Variants in KDM4C observed in about 807,000 individuals in gnomAD.
KDM4C encodes lysine-specific demethylase 4C.
KDM4C carries 81 observed loss-of-function variants against 129.3 expected under a neutral mutation model. The ratio of observed to expected loss-of-function variants is 0.63; its 90% CI spans 0.52 to 0.75. KDM4C has a LOEUF of 0.75. Among genes scored for constraint, KDM4C ranks in the 30% least tolerant of loss-of-function variants. The pLI, the probability that KDM4C is intolerant of heterozygous loss-of-function variation, is 0.00. For missense variants in KDM4C, 1,457 were observed against 1,304.0 expected, an observed-to-expected ratio of 1.12 and a Z score of -1.81; for synonymous variants, 573 against 456.1, an observed-to-expected ratio of 1.26 and a Z score of -3.26.
intron 4 of KDM4C, among the ~76,000 whole-genome samples, chr9:6,815,546 C>G (rs1262654204): frequency 6.6e-6 from 1 of 152,088 alleles, no homozygotes; most frequent in Non-Finnish European, 1.5e-5. Flanking sequence ...TTCTTATCTA[C>G]TGAAAGGTGG....
intron 1 of KDM4C, among the ~76,000 whole-genome samples, chr9:6,775,500 C>T (rs1003021302): frequency 1.3e-5 from 2 of 151,832 alleles, no homozygotes; most frequent in Admixed American, 6.6e-5. Flanking sequence ...GTTGAACTTA[C>T]GCTAGAATTT....
At chr9:7,105,758 T>G (rs1264278381) in intron 18 of KDM4C, among the ~76,000 whole-genome samples, 1 of 152,204 alleles carries the variant, frequency 6.6e-6, no homozygotes, top group African/African-American at 2.4e-5. Flanking sequence ...TATATTGAAG[T>G]TGCTATTAAA....
At chr9:6,978,014 T>G (rs1589424484) in intron 8 of KDM4C, among the ~76,000 whole-genome samples, 1 of 152,196 alleles carries the variant, frequency 6.6e-6, no homozygotes, top group African/African-American at 2.4e-5. Context: ...CAAAAAGCAA[T>G]TTGTATAAGC....
chr9:6,746,394 G>A (rs543984276), intron 1 of KDM4C, among the ~76,000 whole-genome samples: 1,816 of 147,676 alleles, frequency 0.012, 25 homozygotes, highest in African/African-American at 0.035. Context: ...TCAGCCTCCC[G>A]AGTAGCTGGG....
At chr9:7,060,206 C>T (rs114359157) in intron 17 of KDM4C, among the ~76,000 whole-genome samples, 1 of 149,958 alleles carries the variant, frequency 6.7e-6, no homozygotes, top group African/African-American at 2.4e-5. Flanking sequence ...TATTTTATGT[C>T]ATTGTCATGT....
chr9:6,808,432 C>A lies in KDM4C; in HGVS notation c.320+2658C>A, dbSNP rs1336112604. 2.7e-5 allele frequency among the ~76,000 whole-genome samples: 3 copies of A among 112,556 alleles called. No individual in the cohort carries two copies. In the South Asian group the frequency reaches 9.6e-4, roughly 36 times the overall value. The allele number at this position is 112,556 out of a possible 152,430, so 73.8% of individuals were successfully genotyped here. On this transcript the variant is annotated intron_variant, in intron 3 of 21. Coordinates refer to ENST00000381309, the MANE Select transcript of KDM4C (RefSeq NM_015061.6). The stretch of plus-strand genomic sequence containing the variant: ...CTCTCTGAAACATGTGCTGTGTCCA[C>A]TCAGGGTTAAATGGATTAAGGGCGG...
intron 4 of KDM4C, among the ~76,000 whole-genome samples, chr9:6,823,906 GT>G (rs555328964): frequency 1.5e-3 from 224 of 152,272 alleles, no homozygotes; most frequent in African/African-American, 5.2e-3. Flanking sequence ...TTCTCCTCGG[GT>G]TTTTCTACTT....
chr9:7,044,897 A>G (rs900653087), intron 15 of KDM4C, among the ~76,000 whole-genome samples: 3 of 151,992 alleles, frequency 2.0e-5, no homozygotes, highest in African/African-American at 7.2e-5. Flanking sequence ...CTAGAGGTGC[A>G]GGAGGACAAT....
chr9:7,018,190 G>T (rs1338271850), intron 15 of KDM4C, among the ~76,000 whole-genome samples: 2 of 152,162 alleles, frequency 1.3e-5, no homozygotes, highest in Non-Finnish European at 2.9e-5. Context: ...GTACGATGTA[G>T]CCCATTGCTA....
chr9:7,152,062 T>C (rs1842780156), intron 19 of KDM4C, among the ~76,000 whole-genome samples: 1 of 152,248 alleles, frequency 6.6e-6, no homozygotes, highest in African/African-American at 2.4e-5. Flanking sequence ...ATCAGAAATT[T>C]CTCTGGTGGT....
chr9:6,788,012 G>T (rs77441761), intron 1 of KDM4C, among the ~76,000 whole-genome samples: 2,204 of 152,280 alleles, frequency 0.014, 23 homozygotes, highest in Non-Finnish European at 0.023. Flanking sequence ...TCTCTTTGCT[G>T]TTCCTTGAAG....
chr9:6,789,064 AACAGGGTCCC>A (rs887765850), intron 1 of KDM4C, among the ~76,000 whole-genome samples: 3 of 150,174 alleles, frequency 2.0e-5, no homozygotes, highest in Non-Finnish European at 4.4e-5. Flanking sequence ...TTTTTTTTGA[AACAGGGTCCC>A]ACTCTTTCAC....
intron 15 of KDM4C, among the ~76,000 whole-genome samples, chr9:7,040,155 A>G (rs1828313413): frequency 6.6e-6 from 1 of 152,156 alleles, no homozygotes; most frequent in East Asian, 1.9e-4. Context: ...CTCTTAAAAC[A>G]GTATAACTTC....
chr9:7,143,595 A>G (rs1346066526), intron 19 of KDM4C, among the ~76,000 whole-genome samples: 1 of 152,202 alleles, frequency 6.6e-6, no homozygotes. Flanking sequence ...AAATCTAACA[A>G]TGGTGTGTTA....
At chr9:6,755,866 C>T (rs1342866389), upstream of KDM4C, among the ~76,000 whole-genome samples, 2 of 152,188 alleles carry the variant, frequency 1.3e-5, no homozygotes, top group East Asian at 1.9e-4. Flanking sequence ...GACTGTGAAG[C>T]ACTTAATGGA....
intron 4 of KDM4C, among the ~76,000 whole-genome samples, chr9:6,848,587 C>G (rs773685238): frequency 1.4e-4 from 21 of 151,948 alleles, no homozygotes; most frequent in Admixed American, 6.6e-5. Context: ...AAGAATTGCT[C>G]GAACCTGGGA....
intron 1 of KDM4C, among the ~76,000 whole-genome samples, chr9:6,763,452 A>G (rs1426037219): frequency 6.7e-6 from 1 of 150,240 alleles, no homozygotes; most frequent in Non-Finnish European, 1.5e-5. Flanking sequence ...TCTCCTTCAT[A>G]GTCTTAAGCA....
intron 8 of KDM4C, among the ~76,000 whole-genome samples, chr9:6,965,129 A>G (rs1199104162): frequency 6.6e-6 from 1 of 151,900 alleles, no homozygotes; most frequent in African/African-American, 2.4e-5. Context: ...TCTTTCTTGC[A>G]TGTTATTTAT....
At chr9:6,796,192 C>A (rs951152109) in intron 2 of KDM4C, among the ~76,000 whole-genome samples, 1 of 152,188 alleles carries the variant, frequency 6.6e-6, no homozygotes, top group African/African-American at 2.4e-5. Flanking sequence ...CGCCTGCAAT[C>A]CCAGCACTCT....
Sources: allele counts gnomAD v4.1 joint callset (sites outside exome capture counted in the v4.1 genomes callset), GRCh38; gene constraint gnomAD v4.1.1; transcripts MANE v1.5; gene names NCBI Gene and HGNC (gene_info 2026-07-23, HGNC 2026-07-21).